GALNTL6: variants seen among roughly 807,000 people sequenced by gnomAD.
GALNTL6 encodes polypeptide N-acetylgalactosaminyltransferase like 6.
A neutral mutation model predicts 73.7 loss-of-function variants in GALNTL6; 46 were observed. The ratio of observed to expected loss-of-function variants is 0.62; its 90% CI spans 0.49 to 0.80. The LOEUF (loss-of-function observed/expected upper bound fraction) is 0.80, where lower values mean the gene tolerates loss of function less well. GALNTL6 is among the 30% of genes least tolerant of loss of function. The pLI is 0.00. For synonymous variants in GALNTL6, 259 were observed against 263.7 expected (o/e 0.98, Z 0.17); for missense variants, 604 against 755.0 (o/e 0.80, Z 2.34).
At chr4:171,965,667 AAAAAAG>A (rs1739364667) in intron 2 of GALNTL6, among the ~76,000 whole-genome samples, 1 of 150,652 alleles carries the variant, frequency 6.6e-6, no homozygotes, top group African/African-American at 2.4e-5. Flanking sequence ...GAAAAAAAAA[AAAAAAG>A]AAGAAGAAGA....
In GALNTL6 at chr4:172,752,772, T is replaced by C. The variant is rs575650073; in HGVS notation, c.554-56589T>C. 1.3e-3 allele frequency among the ~76,000 whole-genome samples: 202 copies of C among 152,260 alleles called. 1 individual carries two copies. The highest frequency in any genetic ancestry group is 4.6e-3 in the African/African-American group (193 of 41,584). On this transcript the variant is annotated intron_variant, in intron 5 of 12. Transcript: ENST00000506823. ...TTTTTATTATAAAACTGTGTATCCA[T>C]GCTGATTTTAAAAGTTTTGAAACTC...
At chr4:172,725,341 A>G (rs938769797) in intron 5 of GALNTL6, among the ~76,000 whole-genome samples, 4 of 152,084 alleles carry the variant, frequency 2.6e-5, no homozygotes, top group African/African-American at 9.7e-5. Context: ...CTTCTACTGT[A>G]CTCAGGCTCC....
chr4:172,554,503 C>G (rs1736074667), intron 5 of GALNTL6, among the ~76,000 whole-genome samples: 1 of 152,108 alleles, frequency 6.6e-6, no homozygotes, highest in Admixed American at 6.6e-5. Flanking sequence ...AAGGATTCAT[C>G]TCAATGAATT....
chr4:172,450,673 T>C (rs574821503), intron 5 of GALNTL6, among the ~76,000 whole-genome samples: 3 of 152,360 alleles, frequency 2.0e-5, no homozygotes, highest in Admixed American at 2.0e-4. Context: ...TTTCTCTCCA[T>C]CATCACAGAA....
intron 2 of GALNTL6, among the ~76,000 whole-genome samples, chr4:171,872,894 G>A (rs6818985): frequency 0.27 from 41,020 of 151,736 alleles, 7,231 homozygotes; most frequent in African/African-American, 0.5. Flanking sequence ...AACCCATAAC[G>A]CTCTCTACAT....
intron 2 of GALNTL6, among the ~76,000 whole-genome samples, chr4:172,018,176 C>T (rs73870121): frequency 0.025 from 3,838 of 152,124 alleles, 126 homozygotes; most frequent in African/African-American, 0.076. Flanking sequence ...TTCAACAGAG[C>T]ACCAGCTGTG....
At chr4:172,693,421 C>A (rs1460407668) in intron 5 of GALNTL6, among the ~76,000 whole-genome samples, 2 of 152,202 alleles carry the variant, frequency 1.3e-5, no homozygotes, top group Non-Finnish European at 2.9e-5. Flanking sequence ...AGACTATCAG[C>A]CTCTTCATCA....
At chr4:171,923,826 G>A (rs1322849571) in intron 2 of GALNTL6, among the ~76,000 whole-genome samples, 4 of 144,928 alleles carry the variant, frequency 2.8e-5, no homozygotes, top group African/African-American at 1.0e-4. Flanking sequence ...GTGTGTGTGT[G>A]TTTGAAGTTC....
intron 5 of GALNTL6, among the ~76,000 whole-genome samples, chr4:172,733,358 G>C (rs1433698533): frequency 6.6e-6 from 1 of 152,020 alleles, no homozygotes; most frequent in East Asian, 1.9e-4. Flanking sequence ...TCTTCTCTTT[G>C]CCCTTGACTT....
At chr4:172,933,246 C>T (rs776099033) in intron 9 of GALNTL6, among the ~76,000 whole-genome samples, 2 of 152,014 alleles carry the variant, frequency 1.3e-5, no homozygotes, top group Non-Finnish European at 2.9e-5. Context: ...TGCTCCCCTG[C>T]TTGTGCTCTG....
chr4:172,234,337 C>T (rs2110977573), intron 3 of GALNTL6, among the ~76,000 whole-genome samples: 1 of 152,156 alleles, frequency 6.6e-6, no homozygotes, highest in Admixed American at 6.5e-5. Context: ...TTATGATTCT[C>T]ACAAAAGCAA....
chr4:172,480,967 T>C (rs1733438955), intron 5 of GALNTL6, among the ~76,000 whole-genome samples: 2 of 152,194 alleles, frequency 1.3e-5, no homozygotes, highest in African/African-American at 4.8e-5. Flanking sequence ...ATTTTTGCCA[T>C]ATTTATTGGT....
At chr4:171,936,114 G>T (rs1204751430) in intron 2 of GALNTL6, among the ~76,000 whole-genome samples, 1 of 152,136 alleles carries the variant, frequency 6.6e-6, no homozygotes, top group Non-Finnish European at 1.5e-5. Context: ...TTAGTAAGGA[G>T]CCTGTTTTTT....
intron 2 of GALNTL6, among the ~76,000 whole-genome samples, chr4:171,842,387 C>A (rs1735260091): frequency 6.6e-6 from 1 of 152,082 alleles, no homozygotes; most frequent in African/African-American, 2.4e-5. Context: ...TCAAAGTAGA[C>A]ACAAAAAATA....
chr4:172,513,110 C>CA (rs537664632), intron 5 of GALNTL6, among the ~76,000 whole-genome samples: 39 of 152,216 alleles, frequency 2.6e-4, no homozygotes, highest in African/African-American at 7.7e-4. Flanking sequence ...GTTTGGTTAA[C>CA]AAAATCCCAG....
chr4:172,644,369 T>C (rs909705989), intron 5 of GALNTL6, among the ~76,000 whole-genome samples: 1 of 151,864 alleles, frequency 6.6e-6, no homozygotes, highest in Non-Finnish European at 1.5e-5. Flanking sequence ...ATATAGAACA[T>C]ACTCAGCACC....
rs188837105 is a variant in GALNTL6 at position 172,536,524 on chromosome 4, A to T, written c.553+187835A>T. On this transcript the variant is annotated intron_variant, in intron 5 of 12. Transcript: ENST00000506823. ...AAGTGGAATAAAGGTGACTCTTGCT[A>T]TGTTTTAGCAAAGAGAATAGCAGCA... Among the ~76,000 whole-genome samples, 8 of 152,296 alleles carry T rather than the reference A, an allele frequency of 5.3e-5. No individual in the cohort carries two copies. The East Asian group carries it at 1.5e-3, about 29-fold the overall frequency.
chr4:172,941,698 T>C (rs941082124), intron 9 of GALNTL6, among the ~76,000 whole-genome samples: 1 of 152,240 alleles, frequency 6.6e-6, no homozygotes, highest in African/African-American at 2.4e-5. Context: ...TCCCTGCTGC[T>C]ACAAAATTAA....
At chr4:172,789,567 G>A (rs908466771) in intron 5 of GALNTL6, among the ~76,000 whole-genome samples, 12 of 152,184 alleles carry the variant, frequency 7.9e-5, no homozygotes, top group African/African-American at 2.4e-4. Context: ...ATGAAGAGAT[G>A]TGCAGGGCAA....
Sources: allele counts gnomAD v4.1 joint callset (sites outside exome capture counted in the v4.1 genomes callset), GRCh38; gene constraint gnomAD v4.1.1; transcripts MANE v1.5; gene names NCBI Gene and HGNC (gene_info 2026-07-23, HGNC 2026-07-21).